The following ROBO2 variants were observed in gnomAD, a reference collection of about 807,000 sequenced individuals.
The protein encoded by ROBO2 is roundabout homolog 2.
A neutral mutation model predicts 160.8 loss-of-function variants in ROBO2; 53 were observed. The ratio of observed to expected loss-of-function variants is 0.33; its 90% CI spans 0.26 to 0.41. ROBO2 has a LOEUF of 0.41. Among genes scored for constraint, ROBO2 ranks in the 10% least tolerant of loss-of-function variants. ROBO2 has a pLI of 1.00. For synonymous variants in ROBO2, 664 were observed against 611.7 expected (o/e 1.09, Z -1.26); for missense variants, 1,577 against 1,722.4 (o/e 0.92, Z 1.49).
At chr3:76,014,927 C>G (rs1367139356) in intron 2 of ROBO2, among the ~76,000 whole-genome samples, 1 of 151,976 alleles carries the variant, frequency 6.6e-6, no homozygotes, top group African/African-American at 2.4e-5. Flanking sequence ...GACCCTGTCT[C>G]TAAAAATAAA....
chr3:76,274,115 C>A (rs1015882855), intron 2 of ROBO2, among the ~76,000 whole-genome samples: 2 of 152,140 alleles, frequency 1.3e-5, no homozygotes, highest in Admixed American at 1.3e-4. Context: ...GTTACAATGG[C>A]AATTAAATGT....
intron 2 of ROBO2, among the ~76,000 whole-genome samples, chr3:76,436,180 A>ACACACACACACACACACACACACACACC (rs1156673465): frequency 7.3e-5 from 11 of 150,888 alleles, no homozygotes; most frequent in East Asian, 5.9e-4. Context: ...ACACACACAC[A>ACACACACACACACACACACACACACACC]CCATTTCTTT....
intron 2 of ROBO2, among the ~76,000 whole-genome samples, chr3:76,308,771 G>A (rs1276741700): frequency 6.6e-6 from 1 of 152,178 alleles, no homozygotes; most frequent in African/African-American, 2.4e-5. Context: ...GAGCAACAGT[G>A]ATTTTGTTCT....
chr3:76,354,596 A>T (rs1429043022), intron 2 of ROBO2, among the ~76,000 whole-genome samples: 1 of 151,932 alleles, frequency 6.6e-6, no homozygotes, highest in Non-Finnish European at 1.5e-5. Context: ...CCAGTAATAT[A>T]TTAAACCCTA....
intron 2 of ROBO2, among the ~76,000 whole-genome samples, chr3:77,360,975 G>C (rs1262655617): frequency 6.6e-6 from 1 of 151,756 alleles, no homozygotes; most frequent in Non-Finnish European, 1.5e-5. Context: ...CTTATATTAA[G>C]ATTATGACTT....
At chr3:77,015,135 T>A (rs1197180436) in intron 2 of ROBO2, among the ~76,000 whole-genome samples, 1 of 152,164 alleles carries the variant, frequency 6.6e-6, no homozygotes, top group Non-Finnish European at 1.5e-5. Flanking sequence ...CCAATGCGAC[T>A]CATCATAAGA....
intron 2 of ROBO2, among the ~76,000 whole-genome samples, chr3:75,953,432 C>A (rs1225582257): frequency 6.6e-6 from 1 of 151,756 alleles, no homozygotes; most frequent in Non-Finnish European, 1.5e-5. Flanking sequence ...GAGTTGTTTT[C>A]TTTCTTATTT....
intron 2 of ROBO2, among the ~76,000 whole-genome samples, chr3:76,516,128 G>A (rs2081337099): frequency 6.6e-6 from 1 of 152,102 alleles, no homozygotes; most frequent in Non-Finnish European, 1.5e-5. Context: ...AATTCCATTT[G>A]TGCAATTTAC....
intron 2 of ROBO2, among the ~76,000 whole-genome samples, chr3:76,759,082 C>T (rs866148776): frequency 4.6e-5 from 7 of 151,864 alleles, no homozygotes; most frequent in Middle Eastern, 3.4e-3. Flanking sequence ...AATATATTTA[C>T]TTTTTCCAAT....
At chr3:76,076,029 C>T (rs1271787174) in intron 2 of ROBO2, among the ~76,000 whole-genome samples, 1 of 152,190 alleles carries the variant, frequency 6.6e-6, no homozygotes, top group Non-Finnish European at 1.5e-5. Flanking sequence ...GAAAACTTTT[C>T]ACAGAGCAAA....
chr3:77,089,602 G>C (rs952000913), intron 1 of ROBO2, among the ~76,000 whole-genome samples: 1 of 152,030 alleles, frequency 6.6e-6, no homozygotes, highest in South Asian at 2.1e-4. Context: ...TATTAAGATG[G>C]CACTGCTGTG....
chr3:77,406,051 T>C (rs918831427), intron 2 of ROBO2, among the ~76,000 whole-genome samples: 1 of 152,200 alleles, frequency 6.6e-6, no homozygotes, highest in Non-Finnish European at 1.5e-5. Context: ...TTTAATTGAC[T>C]CACAGTTCTG....
At chr3:76,165,962 G>A (rs942791991) in intron 2 of ROBO2, among the ~76,000 whole-genome samples, 1 of 151,942 alleles carries the variant, frequency 6.6e-6, no homozygotes, top group African/African-American at 2.4e-5. Context: ...GAGTGGTTTG[G>A]GGCATTCCCA....
intron 21 of ROBO2, among the ~76,000 whole-genome samples, chr3:77,609,067 C>T (rs1165429440): frequency 6.6e-6 from 1 of 151,400 alleles, no homozygotes; most frequent in Non-Finnish European, 1.5e-5. Flanking sequence ...AATATATATA[C>T]ATATATGCTC....
intron 2 of ROBO2, among the ~76,000 whole-genome samples, chr3:77,112,244 G>T (rs550377351): frequency 6.7e-6 from 1 of 148,806 alleles, no homozygotes; most frequent in Non-Finnish European, 1.5e-5. Flanking sequence ...GTTTTGGGGG[G>T]TGGAGGGGGG....
At chr3:76,952,283 A>T (rs1366542261) in intron 2 of ROBO2, among the ~76,000 whole-genome samples, 2 of 151,814 alleles carry the variant, frequency 1.3e-5, no homozygotes, top group African/African-American at 2.4e-5. Flanking sequence ...TTTTATTTTT[A>T]TTTTTATTTT....
At chr3:76,013,584 G>C (rs614790) in intron 2 of ROBO2, among the ~76,000 whole-genome samples, 99,071 of 143,604 alleles carry the variant, frequency 0.69, 36,557 homozygotes, top group South Asian at 0.87. Flanking sequence ...TGGGCACGGT[G>C]GTTTGTGCGT....
intron 2 of ROBO2, among the ~76,000 whole-genome samples, chr3:76,940,952 C>T (rs1018502992): frequency 3.3e-5 from 5 of 152,114 alleles, no homozygotes; most frequent in Non-Finnish European, 7.3e-5. Context: ...TTTTCAAAGC[C>T]GCCTCAAATG....
intron 2 of ROBO2, among the ~76,000 whole-genome samples, chr3:76,388,509 G>T (rs1038939553): frequency 6.6e-6 from 1 of 152,002 alleles, no homozygotes; most frequent in African/African-American, 2.4e-5. Context: ...CTGACCTCGC[G>T]ATCCGCCCAC....
Sources: allele counts gnomAD v4.1 joint callset (sites outside exome capture counted in the v4.1 genomes callset), GRCh38; gene constraint gnomAD v4.1.1; transcripts MANE v1.5; gene names NCBI Gene and HGNC (gene_info 2026-07-23, HGNC 2026-07-21).